The following NEDD1 variants were observed in gnomAD, a reference collection of about 807,000 sequenced individuals.
NEDD1 encodes protein NEDD1.
In NEDD1, 33 loss-of-function variants were observed where a neutral mutation model predicts 74.0. The ratio of observed to expected loss-of-function variants is 0.45; its 90% CI spans 0.34 to 0.60. The LOEUF (loss-of-function observed/expected upper bound fraction) is 0.60, where lower values mean the gene tolerates loss of function less well. NEDD1 is among the 20% of genes least tolerant of loss of function. The probability of loss-of-function intolerance (pLI) is 0.01; values close to 1 mark genes in which losing one functional copy is unlikely to be tolerated. For missense variants in NEDD1, 746 were observed against 776.5 expected (o/e 0.96, Z 0.47); for synonymous variants, 250 against 264.4 (o/e 0.95, Z 0.53).
intron 15 of NEDD1, 29 bp downstream of exon 15, chr12:96,951,527 T>G (rs1005977725): frequency 8.6e-6 from 10 of 1,159,710 alleles, no homozygotes; most frequent in Non-Finnish European, 1.3e-5. Flanking sequence ...ATTTTAATAT[T>G]TTAAATGAAA....
At chr12:96,940,626 T>C (rs893240012) in intron 10 of NEDD1, 89 bp downstream of exon 10, 4 of 863,440 alleles carry the variant, frequency 4.6e-6, no homozygotes, top group Non-Finnish European at 6.9e-6. Context: ...TCAGTCCAAC[T>C]CTATTCACGG....
At chr12:96,942,256 CTA>C (rs1877733622) in intron 10 of NEDD1, among the ~76,000 whole-genome samples, 1 of 152,090 alleles carries the variant, frequency 6.6e-6, no homozygotes, top group Non-Finnish European at 1.5e-5. Flanking sequence ...GGTCACAAAG[CTA>C]TTAAGTGGTA....
chr12:96,948,237 C>A (rs953561074), intron 14 of NEDD1, among the ~76,000 whole-genome samples: 1 of 152,132 alleles, frequency 6.6e-6, no homozygotes, highest in South Asian at 2.1e-4. Context: ...CCTCCTGTTA[C>A]ACTTGTCCCT....
intron 6 of NEDD1, among the ~76,000 whole-genome samples, chr12:96,928,556 C>A (rs1352124499): frequency 4.0e-5 from 6 of 151,334 alleles, no homozygotes; most frequent in Admixed American, 4.0e-4. Context: ...CCTTTTAAGT[C>A]ACTAGTTTTT....
chr12:96,942,242 C>G (rs1877731513), intron 10 of NEDD1, among the ~76,000 whole-genome samples: 2 of 152,046 alleles, frequency 1.3e-5, no homozygotes, highest in African/African-American at 4.8e-5. Flanking sequence ...TGAGACTTGT[C>G]CAAGGTCACA....
intron 6 of NEDD1, among the ~76,000 whole-genome samples, chr12:96,928,141 A>T (rs7350552): frequency 2.6e-5 from 4 of 152,100 alleles, no homozygotes; most frequent in Non-Finnish European, 5.9e-5. Context: ...GTTTTCTAAC[A>T]GTGTTTCTAT....
At chr12:96,927,414 G>T (rs962340020) in intron 6 of NEDD1, among the ~76,000 whole-genome samples, 6 of 152,212 alleles carry the variant, frequency 3.9e-5, no homozygotes, top group Non-Finnish European at 7.3e-5. Context: ...AAAGAGCCTT[G>T]CTGCTTCTGC....
chr12:96,914,155 T>TC (rs1874205899), intron 4 of NEDD1, among the ~76,000 whole-genome samples: 1 of 152,162 alleles, frequency 6.6e-6, no homozygotes. Flanking sequence ...ACTGAAGTCT[T>TC]CAAGAGCAGG....
At chr12:96,944,919 T>C (rs1368447193) in intron 13 of NEDD1, 124 bp downstream of exon 13, 4 of 621,212 alleles carry the variant, frequency 6.4e-6, no homozygotes, top group Non-Finnish European at 1.1e-5. Context: ...TTAAAGTTTG[T>C]GGACACTTCT....
At position 96,909,904 on chromosome 12, in the gene NEDD1, TAA is replaced by T. The variant is rs34499067; in HGVS notation, c.136+20_136+21del. 5.3e-4 allele frequency: 743 copies of T among 1,399,816 alleles called. No individual in the cohort carries two copies. The highest frequency in any genetic ancestry group is 1.3e-3 in the Admixed American group (58 of 46,318). 86.7% of individuals were successfully genotyped at this position (1,399,816 alleles called of 1,614,324 possible). A position where few individuals can be genotyped will look rare whatever the true frequency, so the allele number is the denominator to read the frequency against. On this transcript the variant is annotated intron_variant, in intron 3 of 15. Transcript: ENST00000266742. Reference sequence around the variant, plus strand: ...ATGTTGGAGCAGCAATAGTATCCTTTAAAAAAAAAAAACACACACACACACAC... The same window carrying T: ...ATGTTGGAGCAGCAATAGTATCCTTTAAAAAAAAAACACACACACACACAC...
At position 96,943,607 on chromosome 12, in the gene NEDD1, A is replaced by G. The variant is rs150160326; in HGVS notation, c.1342A>G (p.Asn448Asp). 71 of 1,613,296 alleles carry G rather than the reference A, an allele frequency of 4.4e-5. No individual in the cohort carries two copies. The East Asian group carries it at 1.5e-3, about 33-fold the overall frequency. Residue 448 changes from asparagine (N) to aspartate (D), a missense_variant, in exon 12 of 16, where the codon AAT becomes GAT. Coordinates refer to ENST00000266742, the MANE Select transcript of NEDD1 (RefSeq NM_152905.4). ...GAACTCAGTGTTTCCTCCAAGAAAA[A>G]ATCCAGTAACTTCAAGTACTTCAGT... Reference protein sequence around the residue: ...QLNSVFPPRKNPVTSSTSVLH... With the variant: ...QLNSVFPPRKDPVTSSTSVLH...
At chr12:96,932,466 ATATAT>A (rs1565801400) in intron 6 of NEDD1, among the ~76,000 whole-genome samples, 1 of 62,412 alleles carries the variant, frequency 1.6e-5, no homozygotes, top group African/African-American at 5.0e-5. Flanking sequence ...AAAAAAAAAT[ATATAT>A]ATATATATAT....
At chr12:96,950,594 A>G (rs968304465) in intron 14 of NEDD1, among the ~76,000 whole-genome samples, 1 of 151,980 alleles carries the variant, frequency 6.6e-6, no homozygotes, top group African/African-American at 2.4e-5. Flanking sequence ...TATAAGCTAT[A>G]TGGTACCCTT....
intron 6 of NEDD1, among the ~76,000 whole-genome samples, chr12:96,921,113 T>C (rs1400554082): frequency 6.6e-6 from 1 of 152,208 alleles, no homozygotes; most frequent in South Asian, 2.1e-4. Context: ...GTTTTTACTA[T>C]GACAATATAA....
chr12:96,939,700 T>G (rs1186124510), intron 9 of NEDD1, among the ~76,000 whole-genome samples: 2 of 152,078 alleles, frequency 1.3e-5, no homozygotes, highest in Non-Finnish European at 2.9e-5. Flanking sequence ...GCTGAGCTCC[T>G]CTTAAAAGGT....
chr12:96,930,211 A>ACACACACT (rs1416917962), intron 6 of NEDD1, among the ~76,000 whole-genome samples: 31 of 89,276 alleles, frequency 3.5e-4, no homozygotes, highest in Non-Finnish European at 6.1e-4. Flanking sequence ...ACACACACAC[A>ACACACACT]CTCTCTCTCT....
At chr12:96,918,257 A>G (rs536440248) in intron 5 of NEDD1, among the ~76,000 whole-genome samples, 10 of 151,982 alleles carry the variant, frequency 6.6e-5, no homozygotes, top group Non-Finnish European at 1.5e-4. Flanking sequence ...TTCTTTAATA[A>G]TTAGCTTTTT....
At chr12:96,919,710 A>G (rs1273258215) in intron 5 of NEDD1, among the ~76,000 whole-genome samples, 2 of 152,240 alleles carry the variant, frequency 1.3e-5, no homozygotes, top group African/African-American at 4.8e-5. Flanking sequence ...AACTCAAAAT[A>G]GTCAACTTGC....
intron 4 of NEDD1, among the ~76,000 whole-genome samples, chr12:96,913,277 C>G (rs1874108133): frequency 6.6e-6 from 1 of 152,190 alleles, no homozygotes; most frequent in Admixed American, 6.5e-5. Context: ...CTGTCTGAGC[C>G]TCCCCCATAC....
Sources: gnomAD v4.1 joint callset for allele counts (sites outside exome capture counted in the v4.1 genomes callset) on GRCh38, gnomAD v4.1.1 for gene constraint, MANE v1.5 for transcripts, NCBI Gene and HGNC (gene_info 2026-07-23, HGNC 2026-07-21) for gene names.